The following WDR11 variants were observed in gnomAD, a reference collection of about 807,000 sequenced individuals.
WDR11 encodes the protein WD repeat-containing protein 11.
A neutral mutation model predicts 151.2 loss-of-function variants in WDR11; 83 were observed. The ratio of observed to expected loss-of-function variants is 0.55; its 90% CI spans 0.46 to 0.66. WDR11 has a LOEUF of 0.66. Ranked by LOEUF, WDR11 falls within the 30% of genes least tolerant of loss-of-function variation. The pLI is 0.00. For missense variants in WDR11, 1,301 were observed against 1,480.9 expected, an observed-to-expected ratio of 0.88 and a Z score of 1.99; for synonymous variants, 484 against 533.1, an observed-to-expected ratio of 0.91 and a Z score of 1.27.
intron 7 of WDR11, 80 bp downstream of exon 7, chr10:120,865,824 G>C (rs1436169617): frequency 4.3e-6 from 4 of 940,322 alleles, no homozygotes; most frequent in Non-Finnish European, 6.7e-6. Flanking sequence ...TACCAGCCAA[G>C]GTATATAGTT....
At chr10:120,867,261 A>G (rs1353085643) in intron 9 of WDR11, 92 bp downstream of exon 9, 3 of 944,248 alleles carry the variant, frequency 3.2e-6, no homozygotes, top group East Asian at 5.0e-5. Flanking sequence ...TTTAAAGTCA[A>G]AAAAGTTAAT....
At chr10:120,880,978 T>C in intron 13 of WDR11, 77 bp downstream of exon 13, 1 of 1,327,452 alleles carries the variant, frequency 7.5e-7, no homozygotes, top group Non-Finnish European at 1.1e-6. Flanking sequence ...TTTAAGAAAA[T>C]GGGAATGTGC....
In WDR11 at chr10:120,871,365, C is replaced by CTTT; in HGVS notation, c.1471+28_1471+30dup. Reference sequence around the variant, plus strand: ...GCTGTTGGTGAGTATTTGACCTGGTCTTTTTTTTTTTAACTCACTTTATAA... The same window carrying CTTT: ...GCTGTTGGTGAGTATTTGACCTGGTCTTTTTTTTTTTTTTAACTCACTTTATAA... On this transcript the variant is annotated intron_variant, in intron 10 of 28. Transcript: ENST00000263461. 1.5e-6 allele frequency: 2 copies of CTTT among 1,295,500 alleles called. No homozygotes were observed. The highest frequency in any genetic ancestry group is 2.1e-6 in the Non-Finnish European group (2 of 945,580). The allele number at this position is 1,295,500 out of a possible 1,614,324, so 80.3% of individuals were successfully genotyped here. A position where few individuals can be genotyped will look rare whatever the true frequency, so the allele number is the denominator to read the frequency against.
At chr10:120,863,053 A>G (rs1335970228) in intron 5 of WDR11, 132 bp downstream of exon 5, 5 of 683,278 alleles carry the variant, frequency 7.3e-6, no homozygotes, top group African/African-American at 1.8e-5. Flanking sequence ...TTATTAGAGG[A>G]AAAAAATATT....
At chr10:120,886,646 G>C in intron 15 of WDR11, 43 bp from the exon 16 acceptor site, 1 of 1,581,790 alleles carries the variant, frequency 6.3e-7, no homozygotes. Flanking sequence ...ATCACTCTAG[G>C]GGAAAAAAAA....
intron 4 of WDR11, 136 bp from the exon 5 acceptor site, chr10:120,862,599 T>C: frequency 1.1e-6 from 1 of 890,588 alleles, no homozygotes; most frequent in Non-Finnish European, 1.8e-6. Flanking sequence ...ACATTCCCAT[T>C]ATGTTATGAA....
chr10:120,898,539 C>G (rs1173865608), intron 19 of WDR11, among the ~76,000 whole-genome samples: 2 of 152,186 alleles, frequency 1.3e-5, no homozygotes, highest in Non-Finnish European at 2.9e-5. Context: ...CGATTTGGCT[C>G]TGTGTCTCCA....
At position 120,908,721 on chromosome 10, in the gene WDR11, A is replaced by G; in HGVS notation, c.*8A>G. On this transcript the variant is annotated 3_prime_UTR_variant, in exon 29 of 29. Coordinates refer to ENST00000263461, the MANE Select transcript of WDR11 (RefSeq NM_018117.12). Reference sequence around the variant, plus strand: ...GAACCCATTGAAGAGTGACAGCTTAATAAATGCCAGGGAATCTGACCTGGA... The same window carrying G: ...GAACCCATTGAAGAGTGACAGCTTAGTAAATGCCAGGGAATCTGACCTGGA... The G allele has an allele frequency of 6.2e-7, 1 of 1,613,924 alleles. No individual in the cohort carries two copies.
At chr10:120,896,213 C>G (rs1311436220) in intron 19 of WDR11, among the ~76,000 whole-genome samples, 4 of 152,104 alleles carry the variant, frequency 2.6e-5, no homozygotes, top group Non-Finnish European at 5.9e-5. Flanking sequence ...CACGTATAGC[C>G]TGCTTGTGTA....
intron 9 of WDR11, among the ~76,000 whole-genome samples, chr10:120,869,637 T>C (rs948476962): frequency 1.1e-4 from 16 of 152,158 alleles, no homozygotes; most frequent in African/African-American, 3.6e-4. Context: ...CTGATACTTA[T>C]TAAGGCCTAA....
In WDR11 at chr10:120,885,921, T is replaced by G. The variant is rs774897509; in HGVS notation, c.1956T>G (p.Val652=). 26 of 1,613,528 alleles carry G rather than the reference T, an allele frequency of 1.6e-5. No individual in the cohort carries two copies. In the East Asian group the frequency reaches 5.3e-4, roughly 33 times the overall value. The stretch of plus-strand genomic sequence containing the variant: ...TCTCAGACACAGAGCTGAGTATTGT[T>G]GAATCATCTGTGATCAGGTACAGTA... ...TVVSDTELSI[V]ESSVISLLQE... Residue 652 remains valine, a synonymous_variant, in exon 15 of 29, where the codon GTT becomes GTG. Transcript: ENST00000263461.
At position 120,905,992 on chromosome 10, in the gene WDR11, C is replaced by CT; in HGVS notation, c.3414dup (p.Ser1139Ter). On this transcript the variant is annotated frameshift_variant, in exon 27 of 29. Coordinates refer to ENST00000263461, the MANE Select transcript of WDR11 (RefSeq NM_018117.12). LOFTEE classifies it high-confidence loss of function. ...TCCTGGTTCTCCTCTCTCTGGGCTG[C>CT]TTTTTTAGCGTGGCAGAGACGCTTC... The CT allele has an allele frequency of 1.2e-6, 2 of 1,613,996 alleles. No homozygotes were observed. Among genetic ancestry groups the CT allele is most frequent in the Middle Eastern group, 1.7e-4 (1 of 5,966 alleles).
chr10:120,852,700 T>G (rs1256112450), intron 2 of WDR11, 65 bp downstream of exon 2: 19 of 1,330,658 alleles, frequency 1.4e-5, no homozygotes, highest in Non-Finnish European at 1.9e-5. Context: ...TGTGTATCAC[T>G]AAGCTCTCAT....
At chr10:120,866,904 G>A (rs945253387) in intron 8 of WDR11, 140 bp downstream of exon 8, 3 of 1,108,258 alleles carry the variant, frequency 2.7e-6, no homozygotes, top group Non-Finnish European at 3.9e-6. Context: ...TAGATTATTA[G>A]GGAATTATGT....
rs550428178 is a variant in WDR11 at position 120,908,300 on chromosome 10, C to G, written c.3518-256C>G. 123 of 480,506 alleles carry G rather than the reference C, an allele frequency of 2.6e-4. 1 individual carries two copies. The highest frequency in any genetic ancestry group is 2.3e-3 in the South Asian group (109 of 47,582). 29.8% of individuals were successfully genotyped at this position (480,506 alleles called of 1,614,324 possible). ...TATGGGAGGATGTTGGTTGGGTCTT[C>G]TGGAAGGAGAAGCTTTGGACTCAGC... On this transcript the variant is annotated intron_variant, in intron 28 of 28. Transcript: ENST00000263461.
In WDR11 at chr10:120,908,765, T is replaced by C; in HGVS notation, c.*52T>C. The C allele has an allele frequency of 6.2e-7, 1 of 1,606,364 alleles. No individual in the cohort carries two copies. The highest frequency in any genetic ancestry group is 8.5e-7 in the Non-Finnish European group (1 of 1,174,672). On this transcript the variant is annotated 3_prime_UTR_variant, in exon 29 of 29. Transcript: ENST00000263461. ...ACCTGGAAGGCAGATGGGAGGGGGC[T>C]GGTCTGGCTGTGGCCACCGTCACAG...
chr10:120,851,595 A>AACC, intron 1 of WDR11, 89 bp downstream of exon 1: 1 of 1,513,346 alleles, frequency 6.6e-7, no homozygotes, highest in South Asian at 1.2e-5. Flanking sequence ...CCCCCTGGTT[A>AACC]GTTTGGCCTC....
chr10:120,860,308 T>C (rs1846097834), intron 4 of WDR11, 26 bp downstream of exon 4: 1 of 1,605,748 alleles, frequency 6.2e-7, no homozygotes, highest in South Asian at 1.1e-5. Context: ...TTGTGGAAAA[T>C]GAGTTAAGTG....
intron 11 of WDR11, among the ~76,000 whole-genome samples, chr10:120,875,978 C>CTTTTTTT (rs67775105): frequency 1.1e-4 from 13 of 122,824 alleles, no homozygotes; most frequent in African/African-American, 3.4e-4. Context: ...CCTTTTTTTT[C>CTTTTTTT]TTTTTTTTTT....
Sources: gnomAD v4.1 joint callset for allele counts (sites outside exome capture counted in the v4.1 genomes callset) on GRCh38, gnomAD v4.1.1 for gene constraint, MANE v1.5 for transcripts, NCBI Gene and HGNC (gene_info 2026-07-23, HGNC 2026-07-21) for gene names.